XPO6: variants seen among roughly 807,000 people sequenced by gnomAD.
The protein encoded by XPO6 is exportin-6.
A neutral mutation model predicts 130.0 loss-of-function variants in XPO6; 3 were observed. The ratio of observed to expected loss-of-function variants is 0.02; its 90% CI spans 0.01 to 0.06. The LOEUF (loss-of-function observed/expected upper bound fraction) is 0.06. Among genes scored for constraint, XPO6 ranks in the 10% least tolerant of loss-of-function variants. The pLI is 1.00. For missense variants in XPO6, 970 were observed against 1,393.0 expected (o/e 0.70, Z 4.83); for synonymous variants, 524 against 548.9 (o/e 0.95, Z 0.63).
chr16:28,169,644 T>G, intron 5 of XPO6, 106 bp downstream of exon 5: 3 of 1,430,682 alleles, frequency 2.1e-6, no homozygotes, highest in Non-Finnish European at 2.8e-6. Flanking sequence ...TTTCATGCTA[T>G]CTCAGAAACA....
At chr16:28,118,191 T>A (rs1004005098) in intron 14 of XPO6, among the ~76,000 whole-genome samples, 1 of 152,208 alleles carries the variant, frequency 6.6e-6, no homozygotes, top group African/African-American at 2.4e-5. Flanking sequence ...ACAGTGTTCC[T>A]CATGGTTTGG....
chr16:28,211,222 T>A (rs1310859733), intron 1 of XPO6, 144 bp downstream of exon 1: 7 of 813,080 alleles, frequency 8.6e-6, no homozygotes, highest in African/African-American at 5.3e-5. Context: ...GGCTGCACAC[T>A]CTGCACGCAT....
intron 6 of XPO6, among the ~76,000 whole-genome samples, chr16:28,162,010 T>C (rs894929728): frequency 2.0e-5 from 3 of 152,198 alleles, no homozygotes; most frequent in African/African-American, 4.8e-5. Context: ...TGTAAAATAA[T>C]AGCATGTGTA....
At chr16:28,187,407 T>A (rs1193826851) in intron 1 of XPO6, among the ~76,000 whole-genome samples, 4 of 152,146 alleles carry the variant, frequency 2.6e-5, no homozygotes, top group Non-Finnish European at 4.4e-5. Flanking sequence ...GCAAAAGTTT[T>A]AAAATGCAGG....
At chr16:28,161,297 T>TCCA (rs1245010128) in intron 6 of XPO6, among the ~76,000 whole-genome samples, 11 of 152,172 alleles carry the variant, frequency 7.2e-5, no homozygotes, top group Non-Finnish European at 1.2e-4. Context: ...TAAAAGGGTT[T>TCCA]GGGGGACTTC....
At chr16:28,176,903 GT>G (rs769100753) in intron 3 of XPO6, among the ~76,000 whole-genome samples, 5 of 152,056 alleles carry the variant, frequency 3.3e-5, no homozygotes, top group Non-Finnish European at 5.9e-5. Flanking sequence ...TGGTATTATG[GT>G]TATTATTTCT....
chr16:28,174,221 C>T (rs2043499824), intron 4 of XPO6, among the ~76,000 whole-genome samples: 1 of 152,168 alleles, frequency 6.6e-6, no homozygotes, highest in Non-Finnish European at 1.5e-5. Context: ...CTGTGCACTT[C>T]CTATTCTCTC....
At chr16:28,186,127 C>T (rs369924827) in intron 1 of XPO6, among the ~76,000 whole-genome samples, 1 of 152,162 alleles carries the variant, frequency 6.6e-6, no homozygotes, top group Middle Eastern at 3.4e-3. Flanking sequence ...AATTTGAGAT[C>T]GCCTTTGCTT....
At chr16:28,130,798 G>A (rs1400397985) in intron 12 of XPO6, among the ~76,000 whole-genome samples, 1 of 152,200 alleles carries the variant, frequency 6.6e-6, no homozygotes, top group Non-Finnish European at 1.5e-5. Flanking sequence ...AGAATTATCA[G>A]CTATGTCCCA....
intron 1 of XPO6, chr16:28,183,424 G>C (rs1289935331): frequency 5.6e-5 from 3 of 53,748 alleles, no homozygotes; most frequent in Non-Finnish European, 1.0e-4. Flanking sequence ...CACTTCACTA[G>C]TTTAAAAAAA....
At position 28,169,804 on chromosome 16, in the gene XPO6, C is replaced by G; in HGVS notation, c.511G>C (p.Glu171Gln). Residue 171 changes from glutamate (E) to glutamine (Q), a missense_variant, in exon 5 of 24, where the codon GAG becomes CAG. Coordinates refer to ENST00000304658, the MANE Select transcript of XPO6 (RefSeq NM_015171.4). ...TGGTCCAGTAGCAGCTTCCGCAACT[C>G]CTCCTTCCGAGCCACACTGAGGTCC... is the stretch of plus-strand genomic sequence containing the variant. ...REDLSVARKE[E>Q]LRKLLLDQVQ... 1 of 1,614,140 alleles carries G rather than the reference C, an allele frequency of 6.2e-7. No individual in the cohort carries two copies. Among genetic ancestry groups the G allele is most frequent in the Non-Finnish European group, 8.5e-7 (1 of 1,180,014 alleles).
intron 18 of XPO6, 39 bp downstream of exon 18, chr16:28,107,483 A>G (rs1433459792): frequency 1.2e-6 from 2 of 1,611,458 alleles, no homozygotes; most frequent in Admixed American, 3.3e-5. Flanking sequence ...GGCCCTTGTT[A>G]GCACCACCCA....
chr16:28,190,905 A>AAT (rs72535022), intron 1 of XPO6, among the ~76,000 whole-genome samples: 1 of 151,492 alleles, frequency 6.6e-6, no homozygotes, highest in Non-Finnish European at 1.5e-5. Flanking sequence ...ACGTGCAAAT[A>AAT]ACGTTAACAG....
chr16:28,135,395 C>T, intron 9 of XPO6, 71 bp from the exon 10 acceptor site: 1 of 1,226,868 alleles, frequency 8.2e-7, no homozygotes. Flanking sequence ...GCCTCCTGCA[C>T]TATAAAAGAA....
chr16:28,205,470 C>T (rs749216544), intron 1 of XPO6, among the ~76,000 whole-genome samples: 209 of 152,314 alleles, frequency 1.4e-3, no homozygotes, highest in Non-Finnish European at 1.4e-3. Context: ...CCTGACTCTT[C>T]TCAGCCAATC....
intron 12 of XPO6, among the ~76,000 whole-genome samples, chr16:28,127,122 G>C (rs944169961): frequency 6.6e-6 from 1 of 152,174 alleles, no homozygotes; most frequent in Non-Finnish European, 1.5e-5. Context: ...AGACTCTCCA[G>C]TATCAACTCA....
At chr16:28,199,576 CTTT>C (rs2043923484) in intron 1 of XPO6, among the ~76,000 whole-genome samples, 1 of 151,434 alleles carries the variant, frequency 6.6e-6, no homozygotes, top group Admixed American at 6.6e-5. Context: ...CATGCCCGGC[CTTT>C]TTATTTTGAG....
At position 28,180,973 on chromosome 16, in the gene XPO6, T is replaced by C; in HGVS notation, c.62A>G (p.Asp21Gly). ...LESLMTEFFH[D>G]CTTNERKREI... ...ACGTTTTCTTTCATTGGTTGTACAA[T>C]CGTGAAAAAATTCTGTCATCAGACT... The change falls in exon 2 of 24, where the codon GAT becomes GGT. Residue 21 changes from aspartate (D) to glycine (G), a missense_variant. Coordinates refer to ENST00000304658, the MANE Select transcript of XPO6 (RefSeq NM_015171.4). The C allele has an allele frequency of 6.2e-7, 1 of 1,613,778 alleles. No homozygotes were observed. Among genetic ancestry groups the C allele is most frequent in the African/African-American group, 1.3e-5 (1 of 75,026 alleles).
chr16:28,181,521 T>TG (rs2043615787), intron 1 of XPO6, among the ~76,000 whole-genome samples: 1 of 150,270 alleles, frequency 6.7e-6, no homozygotes, highest in Non-Finnish European at 1.5e-5. Flanking sequence ...GAGAGTGGTT[T>TG]TTTTTTTTTT....
Sources: gnomAD v4.1 joint callset for allele counts (sites outside exome capture counted in the v4.1 genomes callset) on GRCh38, gnomAD v4.1.1 for gene constraint, MANE v1.5 for transcripts, NCBI Gene and HGNC (gene_info 2026-07-23, HGNC 2026-07-21) for gene names.